SAMTOR: variants seen among roughly 807,000 people sequenced by gnomAD.
SAMTOR encodes the protein S-adenosylmethionine sensor upstream of mTORC1, also known as UPF0532 protein C7orf60.
At chr7:112,884,168 C>G in the SAMTOR span, among the ~76,000 whole-genome samples, 2 of 152,152 alleles carry the variant, frequency 1.3e-5, no homozygotes, top group African/African-American at 4.8e-5. Context: ...ATTCAATTAC[C>G]TTCCACCGGG....
the SAMTOR span, among the ~76,000 whole-genome samples, chr7:112,888,476 T>C: frequency 6.6e-6 from 1 of 152,156 alleles, no homozygotes; most frequent in Non-Finnish European, 1.5e-5. Context: ...ACAGCTTTCC[T>C]AGTGTTAGGG....
the SAMTOR span, among the ~76,000 whole-genome samples, chr7:112,825,514 A>T: frequency 6.6e-6 from 1 of 152,216 alleles, no homozygotes; most frequent in Non-Finnish European, 1.5e-5. Flanking sequence ...ATATACACAC[A>T]AATTTCTGTA....
the SAMTOR span, among the ~76,000 whole-genome samples, chr7:112,896,359 C>T: frequency 6.6e-6 from 1 of 152,138 alleles, no homozygotes; most frequent in African/African-American, 2.4e-5. Flanking sequence ...ACAGACATTG[C>T]TTGGTGAAGT....
the SAMTOR span, among the ~76,000 whole-genome samples, chr7:112,898,764 G>T: frequency 6.6e-6 from 1 of 152,182 alleles, no homozygotes; most frequent in Non-Finnish European, 1.5e-5. Context: ...ATTCCACCTG[G>T]GGGAAGAAGA....
At chr7:112,930,855 C>A in the SAMTOR span, among the ~76,000 whole-genome samples, 2 of 152,288 alleles carry the variant, frequency 1.3e-5, no homozygotes, top group Admixed American at 1.3e-4. Flanking sequence ...TCCAAGGTTA[C>A]ACAACAAACC....
chr7:112,907,838 CTTACTTAT>C, the SAMTOR span, among the ~76,000 whole-genome samples: 7 of 119,022 alleles, frequency 5.9e-5, no homozygotes, highest in South Asian at 5.9e-4. Flanking sequence ...GGTATTCTTA[CTTACTTAT>C]TTATTTATTT....
the SAMTOR span, among the ~76,000 whole-genome samples, chr7:112,834,868 T>C: frequency 1.2e-4 from 18 of 152,192 alleles, no homozygotes; most frequent in African/African-American, 4.3e-4. Context: ...ATCATAAGGG[T>C]AAGTGAAGTA....
the SAMTOR span, among the ~76,000 whole-genome samples, chr7:112,890,368 C>A: frequency 1.3e-5 from 2 of 152,028 alleles, no homozygotes; most frequent in African/African-American, 4.8e-5. Context: ...AACAACCCCC[C>A]CCACCTCTGA....
chr7:112,895,732 T>C, the SAMTOR span: 2 of 1,533,208 alleles, frequency 1.3e-6, no homozygotes. Flanking sequence ...AAATATTCTC[T>C]GCATACACTA....
chr7:112,939,873 G>A, the SAMTOR span: 3 of 737,666 alleles, frequency 4.1e-6, no homozygotes, highest in East Asian at 5.4e-5. Context: ...GAACCGGAGC[G>A]ACAGCCTTGG....
chr7:112,855,773 T>C, the SAMTOR span, among the ~76,000 whole-genome samples: 2 of 152,196 alleles, frequency 1.3e-5, no homozygotes, highest in Admixed American at 6.5e-5. Flanking sequence ...AGATAATCTA[T>C]TTTAAGTAAA....
the SAMTOR span, among the ~76,000 whole-genome samples, chr7:112,831,876 C>T: frequency 8.5e-5 from 13 of 152,180 alleles, no homozygotes; most frequent in African/African-American, 3.1e-4. Context: ...TTGCCTCTTT[C>T]TACTATTCCA....
At chr7:112,922,533 T>C in the SAMTOR span, among the ~76,000 whole-genome samples, 25 of 146,584 alleles carry the variant, frequency 1.7e-4, no homozygotes, top group Non-Finnish European at 2.7e-4. Flanking sequence ...CCGGCCGCCA[T>C]CCCATCTAGG....
chr7:112,855,908 T>TAA, the SAMTOR span, among the ~76,000 whole-genome samples: 1 of 145,674 alleles, frequency 6.9e-6, no homozygotes, highest in Non-Finnish European at 1.5e-5. Flanking sequence ...TGGGGGAGAT[T>TAA]AAAAAAAAAA....
chr7:112,821,922 A>C, the SAMTOR span: 1 of 1,612,922 alleles, frequency 6.2e-7, no homozygotes, highest in Non-Finnish European at 8.5e-7. Flanking sequence ...CTCATCTTCT[A>C]TACTGTTGAA....
chr7:112,822,023 C>T, the SAMTOR span: 2 of 1,613,714 alleles, frequency 1.2e-6, no homozygotes, highest in Non-Finnish European at 1.7e-6. Flanking sequence ...CCATCAGATG[C>T]ATATGTGAAA....
At chr7:112,918,744 T>G in the SAMTOR span, among the ~76,000 whole-genome samples, 1 of 152,044 alleles carries the variant, frequency 6.6e-6, no homozygotes, top group Non-Finnish European at 1.5e-5. Flanking sequence ...AATAAAGGGA[T>G]GGAGGAAGAT....
At chr7:112,860,387 C>G in the SAMTOR span, among the ~76,000 whole-genome samples, 7 of 152,072 alleles carry the variant, frequency 4.6e-5, no homozygotes, top group African/African-American at 1.7e-4. Context: ...CACAGACAAC[C>G]CTGTTATCTG....
chr7:112,921,513 T>A, the SAMTOR span, among the ~76,000 whole-genome samples: 3 of 150,300 alleles, frequency 2.0e-5, no homozygotes, highest in South Asian at 4.3e-4. Flanking sequence ...AACCTAGGCA[T>A]TACCATTCAG....
Sources: allele counts gnomAD v4.1 joint callset (sites outside exome capture counted in the v4.1 genomes callset), GRCh38; gene constraint gnomAD v4.1.1; transcripts MANE v1.5; gene names NCBI Gene and HGNC (gene_info 2026-07-23, HGNC 2026-07-21).